PDE1C: variants seen among roughly 807,000 people sequenced by gnomAD.
The protein encoded by PDE1C is dual specificity calcium/calmodulin-dependent 3',5'-cyclic nucleotide phosphodiesterase 1C.
A neutral mutation model predicts 93.1 loss-of-function variants in PDE1C; 62 were observed. The ratio of observed to expected loss-of-function variants is 0.67; its 90% CI spans 0.54 to 0.82. The LOEUF is 0.82. Ranked by LOEUF, PDE1C falls within the 40% of genes least tolerant of loss-of-function variation. PDE1C has a pLI of 0.00. For missense variants in PDE1C, 742 were observed against 884.6 expected, an observed-to-expected ratio of 0.84 and a Z score of 2.04; for synonymous variants, 325 against 310.1, an observed-to-expected ratio of 1.05 and a Z score of -0.50.
the PDE1C span, among the ~76,000 whole-genome samples, chr7:31,727,978 A>G: frequency 3.3e-5 from 5 of 152,168 alleles, no homozygotes; most frequent in Admixed American, 2.0e-4. Flanking sequence ...TGGGAAGCAG[A>G]GGTTGTAGTG....
chr7:31,915,893 C>T (rs538758731), intron 2 of PDE1C, among the ~76,000 whole-genome samples: 14 of 152,148 alleles, frequency 9.2e-5, no homozygotes, highest in South Asian at 2.1e-4. Context: ...TTAGGTTTGA[C>T]GAAGAATGAA....
chr7:32,333,208 A>T (rs1170469815), intron 1 of PDE1C, among the ~76,000 whole-genome samples: 4 of 152,200 alleles, frequency 2.6e-5, no homozygotes, highest in African/African-American at 9.7e-5. Context: ...AGAAATAGCA[A>T]AATCATTGCA....
chr7:31,682,246 A>G, the PDE1C span, among the ~76,000 whole-genome samples: 3 of 152,216 alleles, frequency 2.0e-5, no homozygotes, highest in Admixed American at 6.5e-5. Flanking sequence ...AATTTGCCCT[A>G]TGTTAAATAT....
At chr7:32,356,965 G>A (rs945752439) in intron 1 of PDE1C, among the ~76,000 whole-genome samples, 30 of 96,080 alleles carry the variant, frequency 3.1e-4, no homozygotes, top group African/African-American at 1.2e-3. Flanking sequence ...CTTATTTTTT[G>A]CCAAGATCTA....
At chr7:32,293,878 G>T (rs1562656770) in intron 1 of PDE1C, among the ~76,000 whole-genome samples, 1 of 152,150 alleles carries the variant, frequency 6.6e-6, no homozygotes, top group Non-Finnish European at 1.5e-5. Context: ...CACCCAGACT[G>T]CCTGCTTGTC....
At chr7:32,011,520 A>T (rs760692818) in intron 2 of PDE1C, among the ~76,000 whole-genome samples, 102 of 152,212 alleles carry the variant, frequency 6.7e-4, no homozygotes, top group Non-Finnish European at 1.1e-3. Flanking sequence ...TGAGCAAAGG[A>T]TTTAAACAGA....
At chr7:31,811,719 T>C (rs1290078317) in intron 15 of PDE1C, among the ~76,000 whole-genome samples, 1 of 152,078 alleles carries the variant, frequency 6.6e-6, no homozygotes, top group African/African-American at 2.4e-5. Flanking sequence ...CTTCTGGAAG[T>C]CGTGGAGATG....
chr7:32,305,233 G>T (rs990409611), intron 1 of PDE1C, among the ~76,000 whole-genome samples: 2 of 152,162 alleles, frequency 1.3e-5, no homozygotes, highest in Non-Finnish European at 1.5e-5. Flanking sequence ...GATGCATTGT[G>T]GTCCTCATAA....
In PDE1C at chr7:31,873,416, A is replaced by T. The variant is rs1211340456; in HGVS notation, c.493-8T>A. 1 of 1,571,490 alleles carries T rather than the reference A, an allele frequency of 6.4e-7. No homozygotes were observed. Among genetic ancestry groups the T allele is most frequent in the East Asian group, 2.2e-5 (1 of 44,604 alleles). On this transcript the variant is annotated splice_polypyrimidine_tract_variant and splice_region_variant and intron_variant, in intron 5 of 17. Transcript: ENST00000396191. ...GGACCACTTGTCCACATCCTGCAGG[A>T]CAGGGTGGGGAGAAAGAACACATTA...
chr7:31,762,088 G>C (rs1794867274), intron 17 of PDE1C, among the ~76,000 whole-genome samples: 1 of 152,148 alleles, frequency 6.6e-6, no homozygotes. Context: ...CAAGTGCCGG[G>C]AAAATTTAGT....
At chr7:31,803,972 C>T (rs1356147383) in intron 16 of PDE1C, among the ~76,000 whole-genome samples, 3 of 151,930 alleles carry the variant, frequency 2.0e-5, no homozygotes, top group African/African-American at 7.2e-5. Flanking sequence ...GGAATTGCCA[C>T]ACTGACTTCC....
chr7:32,343,663 T>C (rs1783801350), intron 1 of PDE1C, among the ~76,000 whole-genome samples: 1 of 152,242 alleles, frequency 6.6e-6, no homozygotes, highest in Non-Finnish European at 1.5e-5. Context: ...TTAAAATCTA[T>C]TTCTTCATTG....
intron 16 of PDE1C, among the ~76,000 whole-genome samples, chr7:31,776,730 G>A (rs1783003924): frequency 6.6e-6 from 1 of 151,904 alleles, no homozygotes; most frequent in African/African-American, 2.4e-5. Flanking sequence ...GAGTGGGAAG[G>A]AAGAGGCCTG....
At chr7:31,970,333 T>A (rs1167978449) in intron 2 of PDE1C, among the ~76,000 whole-genome samples, 1 of 152,118 alleles carries the variant, frequency 6.6e-6, no homozygotes, top group African/African-American at 2.4e-5. Flanking sequence ...CAATATCTAC[T>A]AAATTCTAAT....
At chr7:31,891,925 G>A (rs1341743389) in intron 2 of PDE1C, among the ~76,000 whole-genome samples, 1 of 152,042 alleles carries the variant, frequency 6.6e-6, no homozygotes, top group Non-Finnish European at 1.5e-5. Context: ...TTGTCCTGTA[G>A]TTTTTCAAAA....
At chr7:32,374,960 C>G (rs1784410855) in intron 1 of PDE1C, among the ~76,000 whole-genome samples, 1 of 152,174 alleles carries the variant, frequency 6.6e-6, no homozygotes, top group Non-Finnish European at 1.5e-5. Flanking sequence ...CACCGAGTTC[C>G]CAGGACGCCC....
At chr7:32,038,175 C>G (rs1791362871) in intron 2 of PDE1C, among the ~76,000 whole-genome samples, 3 of 152,094 alleles carry the variant, frequency 2.0e-5, no homozygotes, top group African/African-American at 7.2e-5. Flanking sequence ...GGTTGGATTT[C>G]TTCTTTTAGC....
intron 7 of PDE1C, among the ~76,000 whole-genome samples, chr7:31,864,593 G>T (rs115522159): frequency 3.7e-4 from 57 of 152,270 alleles, no homozygotes; most frequent in African/African-American, 1.3e-3. Flanking sequence ...TACAATTTCA[G>T]TATACATGAA....
rs1225242575 is a variant in PDE1C at position 31,961,242 on chromosome 7, ATG to A, written c.129-80384_129-80383del. On this transcript the variant is annotated intron_variant, in intron 2 of 17. Coordinates refer to ENST00000396191, the MANE Select transcript of PDE1C (RefSeq NM_001191057.4). ...AAATCACTCGTACATGTATATGTAT[ATG>A]TATATATATATATATATACACACAC... is the stretch of plus-strand genomic sequence containing the variant. 5.9e-4 allele frequency among the ~76,000 whole-genome samples: 77 copies of A among 130,112 alleles called. No individual in the cohort carries two copies. The East Asian group carries it at 6.9e-3, about 12-fold the overall frequency. The allele number at this position is 130,112 out of a possible 152,430, so 85.4% of individuals were successfully genotyped here. A position where few individuals can be genotyped will look rare whatever the true frequency, so the allele number is the denominator to read the frequency against.
Sources: allele counts gnomAD v4.1 joint callset (sites outside exome capture counted in the v4.1 genomes callset), GRCh38; gene constraint gnomAD v4.1.1; transcripts MANE v1.5; gene names NCBI Gene and HGNC (gene_info 2026-07-23, HGNC 2026-07-21).